HCN1: variants seen among roughly 807,000 people sequenced by gnomAD.
The protein encoded by HCN1 is hyperpolarization activated cyclic nucleotide gated potassium channel 1.
A neutral mutation model predicts 78.9 loss-of-function variants in HCN1; 13 were observed. That is an observed-to-expected ratio of 0.16 (90% CI 0.11 to 0.26). HCN1 has a LOEUF of 0.26. Among genes scored for constraint, HCN1 ranks in the 10% least tolerant of loss-of-function variants. The pLI is 1.00. For missense variants in HCN1, 810 were observed against 1,154.3 expected (o/e 0.70, Z 4.32); for synonymous variants, 552 against 455.5 (o/e 1.21, Z -2.70).
chr5:45,609,569 C>G (rs1744792238), intron 2 of HCN1, among the ~76,000 whole-genome samples: 2 of 151,922 alleles, frequency 1.3e-5, no homozygotes, highest in African/African-American at 4.8e-5. Context: ...TAATTTTGAC[C>G]ATAAAACCTT....
intron 2 of HCN1, among the ~76,000 whole-genome samples, chr5:45,497,036 G>A (rs1336996560): frequency 1.3e-5 from 2 of 152,142 alleles, no homozygotes; most frequent in Non-Finnish European, 2.9e-5. Context: ...TTAATCCTGA[G>A]TTCTAGTTTG....
intron 2 of HCN1, among the ~76,000 whole-genome samples, chr5:45,592,681 ATGT>A (rs978834329): frequency 2.6e-5 from 4 of 152,184 alleles, no homozygotes; most frequent in African/African-American, 9.6e-5. Flanking sequence ...ATGTAAAGAA[ATGT>A]TGTTAGTTTT....
Position 45,610,900 on chromosome 5 carries a change from GA to G in HCN1, c.849+34284del, listed in dbSNP as rs539468044. ...TCTTTTTATCTAGAACAATCTAAAA[GA>G]GAAGTATGTCTGTTCAAAAACTCTG... On this transcript the variant is annotated intron_variant, in intron 2 of 7. Coordinates refer to ENST00000303230, the MANE Select transcript of HCN1 (RefSeq NM_021072.4). 2.6e-5 allele frequency among the ~76,000 whole-genome samples: 4 copies of G among 152,102 alleles called. No individual in the cohort carries two copies. The South Asian group carries it at 8.3e-4, about 32-fold the overall frequency.
Position 45,274,018 on chromosome 5 carries a change from G to A in HCN1, c.1619-6765C>T, listed in dbSNP as rs140818711. Among the ~76,000 whole-genome samples the A allele has an allele frequency of 2.4e-4, 36 of 152,164 alleles. 2 individuals carry two copies. The highest frequency in any genetic ancestry group is 7.9e-4 in the African/African-American group (33 of 41,562). On this transcript the variant is annotated intron_variant, in intron 6 of 7. Transcript: ENST00000303230. ...AATAGGTGCAAATTTTTTAGTATTT[G>A]ATTGATTTCTTAGTACAGTACTTTA...
chr5:45,396,286 A>T (rs1739685357), intron 4 of HCN1, among the ~76,000 whole-genome samples: 1 of 152,176 alleles, frequency 6.6e-6, no homozygotes, highest in Non-Finnish European at 1.5e-5. Flanking sequence ...AAAGATTATT[A>T]TTCAACTGAG....
At chr5:45,599,559 C>A (rs1012031203) in intron 2 of HCN1, among the ~76,000 whole-genome samples, 2 of 151,994 alleles carry the variant, frequency 1.3e-5, no homozygotes, top group African/African-American at 4.8e-5. Context: ...AAAGTCACCT[C>A]TTTCAGATAA....
At chr5:45,331,275 T>A (rs1301029944) in intron 5 of HCN1, among the ~76,000 whole-genome samples, 1 of 151,220 alleles carries the variant, frequency 6.6e-6, no homozygotes, top group Non-Finnish European at 1.5e-5. Flanking sequence ...TATTTCACAC[T>A]GGGTTCTTAA....
chr5:45,574,033 G>A (rs537966262), intron 2 of HCN1, among the ~76,000 whole-genome samples: 48 of 151,988 alleles, frequency 3.2e-4, no homozygotes, highest in Non-Finnish European at 5.6e-4. Flanking sequence ...AAAATGTAAT[G>A]TGCCCATTGA....
chr5:45,514,107 C>A (rs1742473877), intron 2 of HCN1, among the ~76,000 whole-genome samples: 1 of 152,046 alleles, frequency 6.6e-6, no homozygotes, highest in Admixed American at 6.6e-5. Context: ...GACCAATGGG[C>A]AGTCTTAGAA....
At chr5:45,507,965 T>A (rs549558929) in intron 2 of HCN1, among the ~76,000 whole-genome samples, 140 of 152,224 alleles carry the variant, frequency 9.2e-4, no homozygotes, top group Middle Eastern at 3.4e-3. Flanking sequence ...ATACATCTTA[T>A]CTGAATTTCA....
Position 45,691,104 on chromosome 5 carries a change from G to A in HCN1, c.425+4565C>T, listed in dbSNP as rs1368762435. Among the ~76,000 whole-genome samples the A allele has an allele frequency of 2.0e-5, 3 of 151,894 alleles. No homozygotes were observed. The South Asian group carries it at 6.2e-4, about 32-fold the overall frequency. ...TGGTGGTGATGTTGTTTTGGTTTGT[G>A]GTTTTTGATCAAGCAGATATAGTTG... On this transcript the variant is annotated intron_variant, in intron 1 of 7. Coordinates refer to ENST00000303230, the MANE Select transcript of HCN1 (RefSeq NM_021072.4).
intron 2 of HCN1, among the ~76,000 whole-genome samples, chr5:45,567,252 A>C (rs1579973534): frequency 6.6e-6 from 1 of 151,942 alleles, no homozygotes; most frequent in African/African-American, 2.4e-5. Context: ...TTCTTCTTCA[A>C]AAATTATTTG....
chr5:45,287,743 G>T (rs995407223), intron 6 of HCN1, among the ~76,000 whole-genome samples: 1 of 151,944 alleles, frequency 6.6e-6, no homozygotes, highest in Admixed American at 6.6e-5. Flanking sequence ...CATTTTCATT[G>T]CTATAGGATT....
In HCN1 at chr5:45,257,582, G is replaced by A. The variant is rs1049832580; in HGVS notation, c.*4339C>T. Reference sequence around the variant, plus strand: ...AACCTTAAAATCTCCATTTGTCCCTGTCAAAGCCTGAATTGGAAGCAGGGT... The same window carrying A: ...AACCTTAAAATCTCCATTTGTCCCTATCAAAGCCTGAATTGGAAGCAGGGT... On this transcript the variant is annotated 3_prime_UTR_variant, in exon 8 of 8. Coordinates refer to ENST00000303230, the MANE Select transcript of HCN1 (RefSeq NM_021072.4). The A allele has an allele frequency of 6.6e-6, 1 of 152,136 alleles. No homozygotes were observed. The highest frequency in any genetic ancestry group is 2.4e-5 in the African/African-American group (1 of 41,418). 9.4% of individuals were successfully genotyped at this position (152,136 alleles called of 1,614,324 possible).
At chr5:45,391,056 GAAGCA>G (rs1447713927) in intron 4 of HCN1, among the ~76,000 whole-genome samples, 1 of 151,516 alleles carries the variant, frequency 6.6e-6, no homozygotes, top group Admixed American at 6.6e-5. Context: ...CAGTTCCCGG[GAAGCA>G]AAGTACATGC....
intron 1 of HCN1, among the ~76,000 whole-genome samples, chr5:45,666,781 A>C (rs1402326846): frequency 6.6e-6 from 1 of 152,076 alleles, no homozygotes; most frequent in Non-Finnish European, 1.5e-5. Context: ...ATGAGTGGAT[A>C]AATACCACAG....
At chr5:45,587,365 A>T (rs1007267465) in intron 2 of HCN1, among the ~76,000 whole-genome samples, 7 of 152,210 alleles carry the variant, frequency 4.6e-5, no homozygotes, top group Admixed American at 4.6e-4. Flanking sequence ...AATACTATGC[A>T]GCCACAAAAA....
intron 5 of HCN1, among the ~76,000 whole-genome samples, chr5:45,305,374 CACA>C (rs1561097083): frequency 6.6e-6 from 1 of 152,040 alleles, no homozygotes; most frequent in Non-Finnish European, 1.5e-5. Flanking sequence ...TTTAGCAAAG[CACA>C]ACAATGTCTG....
At chr5:45,492,534 T>TG (rs1411772724) in intron 2 of HCN1, among the ~76,000 whole-genome samples, 1 of 146,658 alleles carries the variant, frequency 6.8e-6, no homozygotes, top group East Asian at 2.0e-4. Flanking sequence ...TTTTTTTTTT[T>TG]TTTGAGACAA....
Sources: allele counts gnomAD v4.1 joint callset (sites outside exome capture counted in the v4.1 genomes callset), GRCh38; gene constraint gnomAD v4.1.1; transcripts MANE v1.5; gene names NCBI Gene and HGNC (gene_info 2026-07-23, HGNC 2026-07-21).